The following BMP7 variants were observed in gnomAD, a reference collection of about 807,000 sequenced individuals.
BMP7 encodes bone morphogenetic protein 7.
BMP7 carries 12 observed loss-of-function variants against 41.2 expected under a neutral mutation model. That is an observed-to-expected ratio of 0.29 (90% confidence interval 0.19 to 0.47). The LOEUF is 0.47. Ranked by LOEUF, BMP7 falls within the 20% of genes least tolerant of loss-of-function variation. The pLI is 0.99. For synonymous variants in BMP7, 248 were observed against 250.0 expected, an observed-to-expected ratio of 0.99 and a Z score of 0.07; for missense variants, 467 against 606.0, an observed-to-expected ratio of 0.77 and a Z score of 2.41.
At chr20:57,211,301 T>C (rs933961900) in intron 2 of BMP7, among the ~76,000 whole-genome samples, 6 of 152,202 alleles carry the variant, frequency 3.9e-5, no homozygotes, top group African/African-American at 1.4e-4. Context: ...AGGACACGCC[T>C]CTGCTGGGAG....
At chr20:57,229,699 A>G (rs1450561703) in intron 1 of BMP7, among the ~76,000 whole-genome samples, 2 of 152,232 alleles carry the variant, frequency 1.3e-5, no homozygotes, top group Non-Finnish European at 2.9e-5. Flanking sequence ...GAGAGGGAGA[A>G]AGAGCAGAAC....
At chr20:57,189,367 C>T (rs981884877) in intron 3 of BMP7, among the ~76,000 whole-genome samples, 1 of 152,242 alleles carries the variant, frequency 6.6e-6, no homozygotes, top group Non-Finnish European at 1.5e-5. Flanking sequence ...GCTATACAAT[C>T]TGCAAGGCCC....
chr20:57,182,027 C>G (rs1191130601), intron 4 of BMP7, among the ~76,000 whole-genome samples: 1 of 152,236 alleles, frequency 6.6e-6, no homozygotes, highest in Non-Finnish European at 1.5e-5. Context: ...GAAACGGCAC[C>G]CCCGGGCAGC....
rs920356778 is a variant in BMP7 at position 57,213,844 on chromosome 20, T to G, written c.612-11221A>C. Among the ~76,000 whole-genome samples the G allele has an allele frequency of 1.3e-5, 2 of 152,136 alleles. No individual in the cohort carries two copies. The highest frequency in any genetic ancestry group is 4.8e-5 in the African/African-American group (2 of 41,412). ...AGTCAGTCTCTGTCCATCAGGTTCT[T>G]TTGTTTGTAAAATGGAGGTAGCCAT... On this transcript the variant is annotated intron_variant, in intron 2 of 6. Coordinates refer to ENST00000395863, the MANE Select transcript of BMP7 (RefSeq NM_001719.3). This position sits in a 1 kb window ranked among gnomAD's most constrained non-coding sequence, Gnocchi z 4.4.
At chr20:57,239,156 C>T (rs979876417) in intron 1 of BMP7, among the ~76,000 whole-genome samples, 1 of 152,208 alleles carries the variant, frequency 6.6e-6, no homozygotes, top group Non-Finnish European at 1.5e-5. Context: ...TGCCTATGAG[C>T]CTCTAAAACC....
At chr20:57,252,355 A>C (rs557193492) in intron 1 of BMP7, among the ~76,000 whole-genome samples, 2 of 152,344 alleles carry the variant, frequency 1.3e-5, no homozygotes, top group African/African-American at 4.8e-5. Context: ...TCCCTGCTCC[A>C]AGCAGCATTT....
chr20:57,251,888 C>T (rs942865782), intron 1 of BMP7, among the ~76,000 whole-genome samples: 1 of 152,150 alleles, frequency 6.6e-6, no homozygotes, highest in Non-Finnish European at 1.5e-5. Flanking sequence ...GAGCCGGGAT[C>T]GCGCCACCGC....
intron 1 of BMP7, among the ~76,000 whole-genome samples, chr20:57,254,825 A>G (rs1425097617): frequency 6.6e-6 from 1 of 152,144 alleles, no homozygotes; most frequent in African/African-American, 2.4e-5. Flanking sequence ...GGACATACGG[A>G]AAAAAACTGT....
chr20:57,179,874 G>A (rs1984034770), intron 4 of BMP7, among the ~76,000 whole-genome samples: 1 of 152,190 alleles, frequency 6.6e-6, no homozygotes, highest in Non-Finnish European at 1.5e-5. Flanking sequence ...TTTCTGCCAC[G>A]GGAAACAGTG....
intron 1 of BMP7, among the ~76,000 whole-genome samples, chr20:57,246,857 CACG>C (rs1362066607): frequency 1.2e-3 from 176 of 152,168 alleles, no homozygotes; most frequent in African/African-American, 3.1e-3. Flanking sequence ...GGCATGGTGG[CACG>C]TGCCTGTACT....
chr20:57,173,523 G>A (rs1983856899), intron 5 of BMP7: 1 of 631,608 alleles, frequency 1.6e-6, no homozygotes, highest in African/African-American at 1.8e-5. Context: ...CCACTCTATA[G>A]TCTTGGCCTA....
chr20:57,170,951 C>T lies in BMP7; in HGVS notation c.*8G>A, dbSNP rs376119337. The T allele has an allele frequency of 1.1e-5, 17 of 1,612,790 alleles. No individual in the cohort carries two copies. The highest frequency in any genetic ancestry group is 4.5e-5 in the East Asian group (2 of 44,884). ...CTTGGCCCCAAAGGGTCTGAATTCT[C>T]GGAGGAGCTAGTGGCAGCCACAGGC... On this transcript the variant is annotated 3_prime_UTR_variant, in exon 7 of 7. Coordinates refer to ENST00000395863, the MANE Select transcript of BMP7 (RefSeq NM_001719.3).
chr20:57,253,150 G>C (rs1371250996), intron 1 of BMP7, among the ~76,000 whole-genome samples: 1 of 152,158 alleles, frequency 6.6e-6, no homozygotes, highest in African/African-American at 2.4e-5. Flanking sequence ...GGCCTGAGTA[G>C]GCATAAGGCA....
chr20:57,255,821 A>G (rs972282225), intron 1 of BMP7, among the ~76,000 whole-genome samples: 7 of 149,988 alleles, frequency 4.7e-5, no homozygotes, highest in South Asian at 2.1e-4. Context: ...AAAAAAAAAA[A>G]AAAGAAAGAA....
At chr20:57,189,377 C>T (rs940383318) in intron 3 of BMP7, among the ~76,000 whole-genome samples, 4 of 152,202 alleles carry the variant, frequency 2.6e-5, no homozygotes, top group African/African-American at 7.2e-5. Flanking sequence ...CTGCAAGGCC[C>T]GGTGCAAAAT....
In BMP7 at chr20:57,185,206, T is replaced by G. The variant is rs756494695; in HGVS notation, c.761-1287A>C. 7.2e-4 allele frequency among the ~76,000 whole-genome samples: 110 copies of G among 152,110 alleles called. 1 individual carries two copies. The highest frequency in any genetic ancestry group is 1.3e-4 in the Non-Finnish European group (9 of 67,980). On this transcript the variant is annotated intron_variant, in intron 3 of 6. Transcript: ENST00000395863. ...TGAGAAAAGGCCAGATCCTCAAGAG[T>G]TCATTTTTAAAATCTTTAGAATTTA...
chr20:57,172,951 CT>C, intron 6 of BMP7: 1 of 608,410 alleles, frequency 1.6e-6, no homozygotes, highest in East Asian at 2.7e-5. Flanking sequence ...GCCCATACAA[CT>C]TTTAGTTACT....
In BMP7 at chr20:57,225,539, A is replaced by AG. The variant is rs1985289785; in HGVS notation, c.611+2689dup. On this transcript the variant is annotated intron_variant, in intron 2 of 6. Coordinates refer to ENST00000395863, the MANE Select transcript of BMP7 (RefSeq NM_001719.3). ...TTCAATTATTATCCCCATTTTACAG[A>AG]GGGAAAAACTGAGGCTCTGAGAGAT... Among the ~76,000 whole-genome samples, 3 of 151,980 alleles carry AG rather than the reference A, an allele frequency of 2.0e-5. No homozygotes were observed. In the South Asian group the frequency reaches 6.2e-4, roughly 32 times the overall value.
At chr20:57,234,721 CA>C (rs1268975251) in intron 1 of BMP7, among the ~76,000 whole-genome samples, 1 of 152,218 alleles carries the variant, frequency 6.6e-6, no homozygotes. Context: ...GGATCATTCC[CA>C]AATGTAAGGC....
Sources: allele counts gnomAD v4.1 joint callset (sites outside exome capture counted in the v4.1 genomes callset), GRCh38; gene constraint gnomAD v4.1.1; non-coding constraint Gnocchi (gnomAD v3.1); transcripts MANE v1.5; gene names NCBI Gene and HGNC (gene_info 2026-07-23, HGNC 2026-07-21).